TMCO4: variants seen among roughly 807,000 people sequenced by gnomAD.
TMCO4 encodes transmembrane and coiled-coil domain-containing protein 4.
A neutral mutation model predicts 64.7 loss-of-function variants in TMCO4; 58 were observed. That is an observed-to-expected ratio of 0.90 (90% CI 0.73 to 1.12). TMCO4 has a LOEUF of 1.12. Ranked by LOEUF, TMCO4 falls within the 50% of genes most tolerant of loss-of-function variation. TMCO4 has a pLI of 0.00. For synonymous variants in TMCO4, 325 were observed against 346.1 expected (o/e 0.94, Z 0.68); for missense variants, 780 against 825.9 (o/e 0.94, Z 0.68).
intron 13 of TMCO4, among the ~76,000 whole-genome samples, chr1:19,704,782 TTCAGGAAAACCTAAAAAGGGAGCCG>T: frequency 6.6e-6 from 1 of 152,268 alleles, no homozygotes; most frequent in South Asian, 2.1e-4. Context: ...ACAGCTGAGC[TTCAGGAAAACCTAAAAAGGGAGCCG>T]CCTGTGACCT....
chr1:19,753,054 G>C (rs2042089936), intron 7 of TMCO4, among the ~76,000 whole-genome samples: 2 of 152,018 alleles, frequency 1.3e-5, no homozygotes, highest in South Asian at 4.2e-4. Flanking sequence ...CCGCCTCCTG[G>C]GTTCAAGCAA....
intron 2 of TMCO4, 47 bp from the exon 3 acceptor site, chr1:19,787,164 G>C (rs1419627919): frequency 6.6e-6 from 1 of 152,374 alleles, no homozygotes; most frequent in East Asian, 1.9e-4. Context: ...CACGGAGTGT[G>C]AGATCTGGGG....
At position 19,683,383 on chromosome 1, in the gene TMCO4, C is replaced by T. The variant is rs1255560694; in HGVS notation, c.1562G>A (p.Arg521His). ...CTTCTCGTCCCAGCCTGGCTTGGTG[C>T]GGATGCCCACGGCCTTCAGGATGGC... The part of the protein sequence containing the change: ...MDAILKAVGI[R>H]TKPGWDEKGL... Residue 521 changes from arginine to histidine, a missense_variant, in exon 16 of 16, where the codon CGC (arginine) becomes CAC (histidine). Arg to His is a conservative substitution (Grantham distance 29, BLOSUM62 0). Coordinates refer to ENST00000294543, the MANE Select transcript of TMCO4 (RefSeq NM_181719.7). 18 of 1,613,722 alleles carry T rather than the reference C, an allele frequency of 1.1e-5. No individual in the cohort carries two copies. Among genetic ancestry groups the T allele is most frequent in the Middle Eastern group, 1.7e-4 (1 of 5,928 alleles).
intron 13 of TMCO4, among the ~76,000 whole-genome samples, chr1:19,708,732 C>T (rs564082715): frequency 5.9e-5 from 9 of 152,292 alleles, no homozygotes; most frequent in African/African-American, 2.2e-4. Context: ...CTTTAGCTGC[C>T]ACTCAGAAAT....
intron 15 of TMCO4, among the ~76,000 whole-genome samples, chr1:19,685,529 C>G (rs1448501141): frequency 3.3e-5 from 5 of 152,064 alleles, no homozygotes; most frequent in African/African-American, 4.8e-5. Context: ...TAATAATGGA[C>G]AATGCCTGAC....
chr1:19,710,856 T>C (rs2095327648), intron 13 of TMCO4, among the ~76,000 whole-genome samples: 1 of 152,218 alleles, frequency 6.6e-6, no homozygotes, highest in South Asian at 2.1e-4. Context: ...AATATCCCGA[T>C]GTATAGACCC....
chr1:19,739,968 G>C lies in TMCO4; in HGVS notation c.1043-8C>G, dbSNP rs1483425826. The C allele has an allele frequency of 5.0e-6, 8 of 1,611,184 alleles. No individual in the cohort carries two copies. Among genetic ancestry groups the C allele is most frequent in the Non-Finnish European group, 5.1e-6 (6 of 1,178,770 alleles). ...TCAGGGCAGCCACAATGCCTGGGGA[G>C]GTGAGATAGTGATGAAGGGAATGGC... On this transcript the variant is annotated splice_region_variant and splice_polypyrimidine_tract_variant and intron_variant, in intron 11 of 15. Coordinates refer to ENST00000294543, the MANE Select transcript of TMCO4 (RefSeq NM_181719.7).
rs957108563 is a variant in TMCO4 at position 19,715,125 on chromosome 1, T to C, written c.1265-14240A>G. On this transcript the variant is annotated intron_variant, in intron 13 of 15. Coordinates refer to ENST00000294543, the MANE Select transcript of TMCO4 (RefSeq NM_181719.7). ...CAGGCACACCTACAGTTCCAGCTAC[T>C]TGGGGGTGCTGAGGTGGGATCACTT... 3.9e-5 allele frequency among the ~76,000 whole-genome samples: 6 copies of C among 152,042 alleles called. No homozygotes were observed. In the East Asian group the frequency reaches 7.7e-4, roughly 20 times the overall value.
chr1:19,778,780 T>A (rs1443248838), intron 4 of TMCO4, among the ~76,000 whole-genome samples: 1 of 152,190 alleles, frequency 6.6e-6, no homozygotes, highest in Non-Finnish European at 1.5e-5. Flanking sequence ...TACCTCTTCT[T>A]TTCACGAACC....
chr1:19,740,980 T>A, intron 10 of TMCO4, 39 bp from the exon 11 acceptor site: 1 of 1,552,230 alleles, frequency 6.4e-7, no homozygotes, highest in Non-Finnish European at 8.7e-7. Flanking sequence ...CTCTTGTCTA[T>A]GGCAGAGGAT....
chr1:19,798,129 A>T lies in TMCO4; in HGVS notation c.-101+8T>A, dbSNP rs563355024. ...CTAAATGGAAAGTGGATTGGATTTC[A>T]CTCTCACCCCTTCTGCCTGCTGTCA... On this transcript the variant is annotated splice_region_variant and intron_variant, in intron 2 of 15. Transcript: ENST00000294543. 133 of 155,068 alleles carry T rather than the reference A, an allele frequency of 8.6e-4. No homozygotes were observed. The highest frequency in any genetic ancestry group is 3.1e-3 in the African/African-American group (130 of 41,366). The allele number at this position is 155,068 out of a possible 1,614,324, so 9.6% of individuals were successfully genotyped here. A position where few individuals can be genotyped will look rare whatever the true frequency, so the allele number is the denominator to read the frequency against.
At chr1:19,783,610 A>C (rs1232806874) in intron 3 of TMCO4, among the ~76,000 whole-genome samples, 1 of 152,234 alleles carries the variant, frequency 6.6e-6, no homozygotes, top group Non-Finnish European at 1.5e-5. Context: ...CTTAATTCTT[A>C]TAACTACCAT....
At chr1:19,724,085 C>T (rs2095398268) in intron 13 of TMCO4, among the ~76,000 whole-genome samples, 1 of 152,146 alleles carries the variant, frequency 6.6e-6, no homozygotes, top group African/African-American at 2.4e-5. Context: ...GGGGGCTGGT[C>T]GGCCTTTAGT....
chr1:19,698,909 A>C (rs757659170), intron 14 of TMCO4, among the ~76,000 whole-genome samples: 1 of 152,212 alleles, frequency 6.6e-6, no homozygotes, highest in Non-Finnish European at 1.5e-5. Flanking sequence ...CCAAAAAATC[A>C]TGTGCGGCGG....
At chr1:19,792,581 C>A in intron 2 of TMCO4, among the ~76,000 whole-genome samples, 1 of 152,128 alleles carries the variant, frequency 6.6e-6, no homozygotes, top group Non-Finnish European at 1.5e-5. Flanking sequence ...CTAAAGTTAG[C>A]ACCAAGGAGA....
At chr1:19,712,922 T>A (rs1189720205) in intron 13 of TMCO4, among the ~76,000 whole-genome samples, 2 of 152,142 alleles carry the variant, frequency 1.3e-5, no homozygotes, top group Non-Finnish European at 2.9e-5. Flanking sequence ...CTGGGTGCAC[T>A]CATGTGTCTG....
intron 2 of TMCO4, 164 bp downstream of exon 2, chr1:19,797,973 G>C (rs1571092915): frequency 6.3e-6 from 1 of 158,526 alleles, no homozygotes; most frequent in Non-Finnish European, 1.2e-5. Flanking sequence ...GAAAAGAAAA[G>C]AAAAGAAAAG....
chr1:19,768,991 TGC>T (rs1238484986), intron 6 of TMCO4, among the ~76,000 whole-genome samples: 1 of 152,198 alleles, frequency 6.6e-6, no homozygotes, highest in Non-Finnish European at 1.5e-5. Context: ...CTACATGTCC[TGC>T]CACCCCGGCA....
intron 6 of TMCO4, among the ~76,000 whole-genome samples, chr1:19,767,249 G>A (rs1037870266): frequency 1.3e-4 from 20 of 152,146 alleles, no homozygotes; most frequent in African/African-American, 3.9e-4. Flanking sequence ...AAGTGGGAAC[G>A]CCTACATTTA....
Sources: allele counts gnomAD v4.1 joint callset (sites outside exome capture counted in the v4.1 genomes callset), GRCh38; gene constraint gnomAD v4.1.1; transcripts MANE v1.5; gene names NCBI Gene and HGNC (gene_info 2026-07-23, HGNC 2026-07-21).